The following PNO1 variants were observed in gnomAD, a reference collection of about 807,000 sequenced individuals.
PNO1 encodes partner of NOB1 homolog.
PNO1 carries 16 observed loss-of-function variants against 28.4 expected under a neutral mutation model. The ratio of observed to expected loss-of-function variants is 0.56; its 90% CI spans 0.38 to 0.85. The LOEUF is 0.85. Ranked by LOEUF, PNO1 falls within the 40% of genes least tolerant of loss-of-function variation. The pLI, the probability that PNO1 is intolerant of heterozygous loss-of-function variation, is 0.00. For synonymous variants in PNO1, 115 were observed against 110.8 expected (o/e 1.04, Z -0.24); for missense variants, 304 against 312.2 (o/e 0.97, Z 0.20).
chr2:68,169,350 A>G (rs551124696), intron 5 of PNO1, among the ~76,000 whole-genome samples: 3 of 152,196 alleles, frequency 2.0e-5, no homozygotes, highest in Non-Finnish European at 4.4e-5. Flanking sequence ...AAAGCTTACA[A>G]TATTGCACTA....
At chr2:68,161,166 C>CT (rs1351989703) in intron 2 of PNO1, 3 of 467,378 alleles carry the variant, frequency 6.4e-6, no homozygotes, top group Non-Finnish European at 1.3e-5. Flanking sequence ...CTCAAATAAA[C>CT]TTTGAGGACA....
At chr2:68,160,868 A>G (rs1432960068) in intron 2 of PNO1, among the ~76,000 whole-genome samples, 1 of 152,250 alleles carries the variant, frequency 6.6e-6, no homozygotes, top group African/African-American at 2.4e-5. Flanking sequence ...GGACTCTCCC[A>G]TTGCACAAGC....
intron 2 of PNO1, among the ~76,000 whole-genome samples, chr2:68,160,505 G>T (rs1378514852): frequency 4.6e-5 from 7 of 152,152 alleles, no homozygotes; most frequent in Non-Finnish European, 1.0e-4. Flanking sequence ...TATCTTCAGT[G>T]CCTAAACTTT....
intron 2 of PNO1, among the ~76,000 whole-genome samples, chr2:68,160,661 G>A (rs770887757): frequency 2.6e-5 from 4 of 152,242 alleles, no homozygotes; most frequent in Non-Finnish European, 5.9e-5. Flanking sequence ...TCTTAAAGAT[G>A]TGAGGAAACT....
At position 68,175,255 on chromosome 2, in the gene PNO1, A is replaced by G. The variant is rs1387393783; in HGVS notation, c.*453A>G. On this transcript the variant is annotated 3_prime_UTR_variant, in exon 7 of 7. Transcript: ENST00000263657. The stretch of plus-strand genomic sequence containing the variant: ...GATGACCCTTCCTTAATACTGGGTG[A>G]TGTGTGAATATTTGTTTGTTGGCAG... The G allele has an allele frequency of 6.6e-6, 1 of 152,438 alleles. No homozygotes were observed. Among genetic ancestry groups the G allele is most frequent in the Non-Finnish European group, 1.5e-5 (1 of 68,276 alleles). 9.4% of individuals were successfully genotyped at this position (152,438 alleles called of 1,614,324 possible). A position where few individuals can be genotyped will look rare whatever the true frequency, so the allele number is the denominator to read the frequency against.
intron 5 of PNO1, among the ~76,000 whole-genome samples, chr2:68,170,442 CAT>C (rs1259905032): frequency 4.6e-5 from 7 of 152,064 alleles, no homozygotes; most frequent in Non-Finnish European, 7.4e-5. Flanking sequence ...TAAACATACA[CAT>C]AGTTTTAAAA....
chr2:68,171,539 C>G (rs1356777797), intron 5 of PNO1, among the ~76,000 whole-genome samples: 1 of 152,230 alleles, frequency 6.6e-6, no homozygotes, highest in Non-Finnish European at 1.5e-5. Context: ...GGGCTTACAT[C>G]TTTCCTGTCA....
chr2:68,161,104 C>A, intron 2 of PNO1: 1 of 427,714 alleles, frequency 2.3e-6, no homozygotes, highest in Non-Finnish European at 4.8e-6. Context: ...ATTTATAGTA[C>A]GTGTTATTTA....
chr2:68,164,655 G>A lies in PNO1; in HGVS notation c.620+1992G>A, dbSNP rs553440608. 3.3e-5 allele frequency among the ~76,000 whole-genome samples: 5 copies of A among 151,986 alleles called. 1 individual carries two copies. On this transcript the variant is annotated intron_variant, in intron 5 of 6. Coordinates refer to ENST00000263657, the MANE Select transcript of PNO1 (RefSeq NM_020143.4). ...ATCTCTACAAAAAATATAAAAATTAGGTGTGATTGTGCACACCTGTAGCCC... is the reference window on the plus strand; with the variant it reads ...ATCTCTACAAAAAATATAAAAATTAAGTGTGATTGTGCACACCTGTAGCCC...
intron 5 of PNO1, among the ~76,000 whole-genome samples, chr2:68,170,480 G>T (rs919311738): frequency 6.6e-6 from 1 of 152,154 alleles, no homozygotes; most frequent in African/African-American, 2.4e-5. Context: ...GGGCGTGATG[G>T]CTCACACCTG....
intron 5 of PNO1, among the ~76,000 whole-genome samples, chr2:68,167,423 T>C (rs2103683092): frequency 6.6e-6 from 1 of 152,340 alleles, no homozygotes; most frequent in Admixed American, 6.5e-5. Context: ...GCTCTCCTTG[T>C]GCAAGCCTTC....
intron 5 of PNO1, among the ~76,000 whole-genome samples, chr2:68,165,385 A>ACAAC (rs768974879): frequency 6.4e-4 from 82 of 129,104 alleles, no homozygotes; most frequent in Admixed American, 2.4e-3. Context: ...AAAAACAACA[A>ACAAC]AAAAAAAAAA....
intron 2 of PNO1, among the ~76,000 whole-genome samples, chr2:68,160,033 A>G (rs893534193): frequency 6.7e-6 from 1 of 149,278 alleles, no homozygotes; most frequent in Non-Finnish European, 1.5e-5. Context: ...CAGTGTCGCA[A>G]TCTCGGCTCA....
chr2:68,170,700 A>G (rs1200441680), intron 5 of PNO1, among the ~76,000 whole-genome samples: 1 of 127,860 alleles, frequency 7.8e-6, no homozygotes, highest in African/African-American at 3.0e-5. Flanking sequence ...GTGAGCCGAG[A>G]TTGCGCCACT....
intron 5 of PNO1, among the ~76,000 whole-genome samples, chr2:68,165,220 C>T (rs1168375793): frequency 1.3e-5 from 2 of 151,412 alleles, no homozygotes; most frequent in African/African-American, 2.4e-5. Flanking sequence ...AAAAATTAGC[C>T]GGGCGTAGTG....
intron 4 of PNO1, 48 bp downstream of exon 4, chr2:68,162,373 G>A: frequency 7.0e-7 from 1 of 1,419,030 alleles, no homozygotes. Flanking sequence ...TTTGTATTGT[G>A]ATGTGACTCT....
At chr2:68,174,425 A>G (rs12691190) in intron 6 of PNO1, among the ~76,000 whole-genome samples, 112,755 of 151,318 alleles carry the variant, frequency 0.75, 43,076 homozygotes, top group African/African-American at 0.93. Flanking sequence ...TGGCAGATCA[A>G]ATACTCAGAA....
At chr2:68,169,855 A>G (rs1425289190) in intron 5 of PNO1, among the ~76,000 whole-genome samples, 2 of 152,150 alleles carry the variant, frequency 1.3e-5, no homozygotes, top group East Asian at 3.8e-4. Flanking sequence ...ATATGTGTTG[A>G]AAAAAATTTG....
intron 2 of PNO1, 70 bp from the exon 3 acceptor site, chr2:68,161,613 C>G (rs577247963): frequency 2.1e-6 from 2 of 936,402 alleles, no homozygotes. Context: ...AGGACATTTC[C>G]AGTATTTTGT....
Sources: gnomAD v4.1 joint callset for allele counts (sites outside exome capture counted in the v4.1 genomes callset) on GRCh38, gnomAD v4.1.1 for gene constraint, MANE v1.5 for transcripts, NCBI Gene and HGNC (gene_info 2026-07-23, HGNC 2026-07-21) for gene names.